The following LSM14B variants were observed in gnomAD, a reference collection of about 807,000 sequenced individuals.
LSM14B encodes the protein protein LSM14 homolog B.
Under a neutral mutation model 42.1 loss-of-function variants are expected in LSM14B, and 8 were observed. That is an observed-to-expected ratio of 0.19 (90% CI 0.11 to 0.34). The LOEUF (loss-of-function observed/expected upper bound fraction) is 0.34. Ranked by LOEUF, LSM14B falls within the 10% of genes least tolerant of loss-of-function variation. The pLI is 1.00. For missense variants in LSM14B, 396 were observed against 513.1 expected (o/e 0.77, Z 2.21); for synonymous variants, 219 against 209.7 (o/e 1.04, Z -0.38).
intron 7 of LSM14B, among the ~76,000 whole-genome samples, chr20:62,132,191 G>A (rs561587472): frequency 1.3e-5 from 2 of 152,366 alleles, no homozygotes; most frequent in South Asian, 4.1e-4. Flanking sequence ...CAGTGAGGGC[G>A]ATGGGATGGG....
In LSM14B at chr20:62,122,982, C is replaced by G. The variant is rs999739820; in HGVS notation, c.127+189C>G. On this transcript the variant is annotated intron_variant, in intron 1 of 8. Coordinates refer to ENST00000279068, the MANE Select transcript of LSM14B (RefSeq NM_144703.3). This position sits in a 1 kb window ranked among gnomAD's most constrained non-coding sequence, Gnocchi z 4.6. ...CCGGACGCCCCCGAGGCGCCCCCTT[C>G]CCGCGCGCCACCCTCCCCCAGCGTA... is the stretch of plus-strand genomic sequence containing the variant. Among the ~76,000 whole-genome samples, 3 of 151,734 alleles carry G rather than the reference C, an allele frequency of 2.0e-5. No homozygotes were observed. Among genetic ancestry groups the G allele is most frequent in the African/African-American group, 7.3e-5 (3 of 41,356 alleles).
At chr20:62,124,805 G>A in intron 2 of LSM14B, 25 bp downstream of exon 2, 1 of 1,601,782 alleles carries the variant, frequency 6.2e-7, no homozygotes, top group East Asian at 2.2e-5. Flanking sequence ...GTCCCTCTGT[G>A]CATGCTGTAG....
intron 3 of LSM14B, among the ~76,000 whole-genome samples, chr20:62,126,858 G>A (rs1217459955): frequency 6.6e-6 from 1 of 152,122 alleles, no homozygotes; most frequent in African/African-American, 2.4e-5. Context: ...TTAGCTGGGT[G>A]TGGTGGGACA....
Position 62,130,368 on chromosome 20 carries a change from G to T in LSM14B, c.673+72G>T. ...CTGAGCTCTGCTTGCCCTCCTGCCT[G>T]CTTCTCTGGTTGACGGTTTCAGGGG... On this transcript the variant is annotated intron_variant, in intron 5 of 8. Coordinates refer to ENST00000279068, the MANE Select transcript of LSM14B (RefSeq NM_144703.3). This position sits in a 1 kb window ranked among gnomAD's most constrained non-coding sequence, Gnocchi z 4.1. 1 of 1,542,286 alleles carries T rather than the reference G, an allele frequency of 6.5e-7. No individual in the cohort carries two copies. The highest frequency in any genetic ancestry group is 1.4e-5 in the African/African-American group (1 of 73,150).
intron 7 of LSM14B, among the ~76,000 whole-genome samples, chr20:62,132,014 A>G (rs1437164642): frequency 6.6e-6 from 1 of 152,222 alleles, no homozygotes; most frequent in Non-Finnish European, 1.5e-5. Context: ...GGTGGCATCT[A>G]CAGTGTGGGC....
Position 62,130,241 on chromosome 20 carries a change from G to T in LSM14B, c.618G>T (p.Val206=). The T allele has an allele frequency of 6.2e-7, 1 of 1,605,214 alleles. No individual in the cohort carries two copies. The highest frequency in any genetic ancestry group is 1.1e-5 in the South Asian group (1 of 89,458). Residue 206 remains valine, a synonymous_variant, in exon 5 of 9, where the codon GTG becomes GTT. Coordinates refer to ENST00000279068, the MANE Select transcript of LSM14B (RefSeq NM_144703.3). The surrounding 1 kb of genome is among the most constrained non-coding windows in gnomAD (Gnocchi z 4.1). ...TASDVVQPAA[V]QAQGQVNDEN... ...TAGATGTAGTCCAGCCGGCAGCTGT[G>T]CAAGCTCAAGGGCAGGTGAATGACG...
rs2056537529 is a variant in LSM14B at position 62,124,835 on chromosome 20, G to A, written c.291+55G>A. 19 of 1,536,502 alleles carry A rather than the reference G, an allele frequency of 1.2e-5. 1 individual carries two copies. The South Asian group carries it at 2.2e-4, about 18-fold the overall frequency. On this transcript the variant is annotated intron_variant, in intron 2 of 8. Transcript: ENST00000279068. ...CTGTAGGAGATGCTGGTTTCCATTT[G>A]GAGCTTGGTGGCATGTTTGGTCAGA... is the stretch of plus-strand genomic sequence containing the variant.
Position 62,130,959 on chromosome 20 carries a change from G to A in LSM14B, c.835+268G>A, listed in dbSNP as rs550397547. 1.6e-3 allele frequency among the ~76,000 whole-genome samples: 249 copies of A among 152,298 alleles called. 1 individual carries two copies. The highest frequency in any genetic ancestry group is 5.8e-3 in the African/African-American group (241 of 41,570). Reference sequence around the variant, plus strand: ...CTCGGGAGACTGAGACAGGAGAATCGTTTGAACCCAGGAGGTGGAGGTTGC... The same window carrying A: ...CTCGGGAGACTGAGACAGGAGAATCATTTGAACCCAGGAGGTGGAGGTTGC... On this transcript the variant is annotated intron_variant, in intron 6 of 8. Transcript: ENST00000279068. The surrounding 1 kb of genome is among the most constrained non-coding windows in gnomAD (Gnocchi z 4.1).
rs574861264 is a variant in LSM14B, at chr20:62,122,934, G to A, written c.127+141G>A. ...CCCACCCAGGGCACACCCGGCCCGAGATCCCCTGCCCGCGCCTTCACCCCG... is the reference window on the plus strand; with the variant it reads ...CCCACCCAGGGCACACCCGGCCCGAAATCCCCTGCCCGCGCCTTCACCCCG... On this transcript the variant is annotated intron_variant, in intron 1 of 8. Transcript: ENST00000279068. This position sits in a 1 kb window ranked among gnomAD's most constrained non-coding sequence, Gnocchi z 4.6. 1,128 of 729,534 alleles carry A rather than the reference G, an allele frequency of 1.5e-3. 5 individuals are homozygous for A. The African/African-American group carries it at 0.018, about 12-fold the overall frequency. The allele number at this position is 729,534 out of a possible 1,614,324, so 45.2% of individuals were successfully genotyped here. A position where few individuals can be genotyped will look rare whatever the true frequency, so the allele number is the denominator to read the frequency against.
At chr20:62,128,439 T>C (rs774606749) in intron 3 of LSM14B, among the ~76,000 whole-genome samples, 59 of 152,358 alleles carry the variant, frequency 3.9e-4, no homozygotes, top group Non-Finnish European at 6.8e-4. Flanking sequence ...ATTCTGCAGG[T>C]GCTGCTTTCC....
At chr20:62,128,896 T>C (rs1416326077) in intron 3 of LSM14B, 1 of 1,234,342 alleles carries the variant, frequency 8.1e-7, no homozygotes, top group African/African-American at 1.6e-5. Context: ...ATTGGGCTGT[T>C]CGTCTAATAA....
chr20:62,133,511 G>C (rs775907159), intron 8 of LSM14B, 36 bp downstream of exon 8: 1 of 1,590,100 alleles, frequency 6.3e-7, no homozygotes, highest in Non-Finnish European at 8.5e-7. Context: ...TTTGGTGGGA[G>C]GGTGTAGGGT....
chr20:62,132,811 TG>T (rs1054945638), intron 7 of LSM14B, among the ~76,000 whole-genome samples: 2 of 152,218 alleles, frequency 1.3e-5, no homozygotes. Context: ...ACCAGCAGCT[TG>T]TTTGGGTGGC....
At chr20:62,132,655 C>T (rs572110165) in intron 7 of LSM14B, among the ~76,000 whole-genome samples, 2 of 152,270 alleles carry the variant, frequency 1.3e-5, no homozygotes, top group South Asian at 2.1e-4. Flanking sequence ...GTTGCTGTTT[C>T]TTTGAACACG....
chr20:62,126,390 G>A lies in LSM14B; in HGVS notation c.378G>A (p.Leu126=). 6.2e-7 allele frequency: 1 copy of A among 1,612,058 alleles called. No homozygotes were observed. Among genetic ancestry groups the A allele is most frequent in the Non-Finnish European group, 8.5e-7 (1 of 1,179,858 alleles). ...GAGGGATGGCGCCCTACGGCCCGCT[G>A]GCGGCCAGCTCCCTGCTCAGCCAGC... is the stretch of plus-strand genomic sequence containing the variant. The part of the protein sequence containing the change: ...PFRGMAPYGP[L]AASSLLSQQY... The change falls in exon 3 of 9, where the codon CTG becomes CTA. Residue 126 remains leucine (L), a synonymous_variant. Coordinates refer to ENST00000279068, the MANE Select transcript of LSM14B (RefSeq NM_144703.3).
chr20:62,123,994 C>T lies in LSM14B; in HGVS notation c.128-623C>T, dbSNP rs147573496. 4.9e-4 allele frequency among the ~76,000 whole-genome samples: 74 copies of T among 152,314 alleles called. No homozygotes were observed. In the East Asian group the frequency reaches 8.7e-3, roughly 18 times the overall value. On this transcript the variant is annotated intron_variant, in intron 1 of 8. Transcript: ENST00000279068. ...AGGCTGCTGTCCCACCCACCTCTGC[C>T]CCTAGAGGCTTGCTAGAAAGAGACT... is the stretch of plus-strand genomic sequence containing the variant.
rs2056432227 is a variant in LSM14B, at chr20:62,122,579, C to T, written c.-88C>T. On this transcript the variant is annotated 5_prime_UTR_variant, in exon 1 of 9. Coordinates refer to ENST00000279068, the MANE Select transcript of LSM14B (RefSeq NM_144703.3). The surrounding 1 kb of genome is among the most constrained non-coding windows in gnomAD (Gnocchi z 4.6). ...GGCGGCGGGCGGAGGAGCGCAGGAGCGGGCGGCCAGGCCACCGCGCGGCGG... is the reference window on the plus strand; with the variant it reads ...GGCGGCGGGCGGAGGAGCGCAGGAGTGGGCGGCCAGGCCACCGCGCGGCGG... The T allele has an allele frequency of 1.1e-5, 10 of 940,690 alleles. No individual in the cohort carries two copies. The Admixed American group carries it at 5.6e-4, about 53-fold the overall frequency. The allele number at this position is 940,690 out of a possible 1,614,324, so 58.3% of individuals were successfully genotyped here.
At chr20:62,124,589 A>T (rs751181864) in intron 1 of LSM14B, 28 bp from the exon 2 acceptor site, 1 of 1,608,582 alleles carries the variant, frequency 6.2e-7, no homozygotes. Context: ...GAGGACAACA[A>T]TAACGCTTCT....
At chr20:62,123,643 C>T (rs558360708) in intron 1 of LSM14B, among the ~76,000 whole-genome samples, 273 of 152,324 alleles carry the variant, frequency 1.8e-3, no homozygotes, top group African/African-American at 6.4e-3. Flanking sequence ...GAAAAGTGCC[C>T]GTGGAGCCAC....
Sources: allele counts gnomAD v4.1 joint callset (sites outside exome capture counted in the v4.1 genomes callset), GRCh38; gene constraint gnomAD v4.1.1; non-coding constraint Gnocchi (gnomAD v3.1); transcripts MANE v1.5; gene names NCBI Gene and HGNC (gene_info 2026-07-23, HGNC 2026-07-21).